DNAH11: variants seen among roughly 807,000 people sequenced by gnomAD.
DNAH11 encodes the protein dynein axonemal heavy chain 11.
DNAH11 carries 442 observed loss-of-function variants against 526.0 expected under a neutral mutation model. The ratio of observed to expected loss-of-function variants is 0.84; its 90% CI spans 0.78 to 0.91. The LOEUF (loss-of-function observed/expected upper bound fraction) is 0.91, where lower values mean the gene tolerates loss of function less well. Among genes scored for constraint, DNAH11 ranks in the 40% least tolerant of loss-of-function variants. The probability of loss-of-function intolerance (pLI) is 0.00; values close to 1 mark genes in which losing one functional copy is unlikely to be tolerated. For missense variants in DNAH11, 6,989 were observed against 5,448.7 expected (o/e 1.28, Z -8.90); for synonymous variants, 2,461 against 1,935.9 (o/e 1.27, Z -7.12).
At chr7:21,671,901 A>G (rs1217360286) in intron 30 of DNAH11, among the ~76,000 whole-genome samples, 5 of 152,216 alleles carry the variant, frequency 3.3e-5, no homozygotes, top group Non-Finnish European at 7.3e-5. Context: ...GATGCTCACT[A>G]TATCTGACAT....
chr7:21,643,909 T>A (rs1349872297), intron 28 of DNAH11, among the ~76,000 whole-genome samples: 1 of 152,176 alleles, frequency 6.6e-6, no homozygotes, highest in African/African-American at 2.4e-5. Context: ...AATTTCACCT[T>A]TTTAAAATAT....
At chr7:21,845,563 C>G (rs987963784) in intron 66 of DNAH11, among the ~76,000 whole-genome samples, 6 of 152,084 alleles carry the variant, frequency 3.9e-5, no homozygotes, top group African/African-American at 1.4e-4. Flanking sequence ...TTTCTGCGTT[C>G]TCTGTTTCAT....
chr7:21,679,764 T>A (rs1173683291), intron 30 of DNAH11, among the ~76,000 whole-genome samples: 1 of 152,192 alleles, frequency 6.6e-6, no homozygotes, highest in Non-Finnish European at 1.5e-5. Context: ...GTCAGACTGT[T>A]GGGATTTGAA....
Position 21,854,369 on chromosome 7 carries a change from A to C in DNAH11, c.11116A>C (p.Arg3706=), listed in dbSNP as rs760425285. ...AATCAACGAGGCCCGAGAATGTTAC[A>C]GACCAGTGGCAGCAAGAGCATCTCT... ...RKINEARECY[R]PVAARASLLY... The change falls in exon 68 of 82, where the codon AGA becomes CGA. Residue 3706 remains arginine, a synonymous_variant. Coordinates refer to ENST00000409508, the MANE Select transcript of DNAH11 (RefSeq NM_001277115.2). The C allele has an allele frequency of 6.2e-7, 1 of 1,613,898 alleles. No homozygotes were observed.
rs1782674720 is a variant in DNAH11, at chr7:21,543,607, A to G, written c.351+11A>G. The G allele has an allele frequency of 1.3e-6, 2 of 1,577,056 alleles. No individual in the cohort carries two copies. Among genetic ancestry groups the G allele is most frequent in the Admixed American group, 1.8e-5 (1 of 54,412 alleles). On this transcript the variant is annotated intron_variant, in intron 1 of 81. Transcript: ENST00000409508. ...GCGGCTTCCCAGGAGGTAAGAGGCGACGGGCAAGGGGACCTGCCCATCCAA... is the reference window on the plus strand; with the variant it reads ...GCGGCTTCCCAGGAGGTAAGAGGCGGCGGGCAAGGGGACCTGCCCATCCAA...
chr7:21,683,002 C>G (rs185609859), intron 31 of DNAH11, among the ~76,000 whole-genome samples: 10 of 152,198 alleles, frequency 6.6e-5, no homozygotes, highest in Admixed American at 6.5e-4. Flanking sequence ...GGCCTTGTAT[C>G]TTCTTATATA....
At chr7:21,569,214 T>C (rs1363183819) in intron 6 of DNAH11, among the ~76,000 whole-genome samples, 1 of 152,202 alleles carries the variant, frequency 6.6e-6, no homozygotes, top group Non-Finnish European at 1.5e-5. Context: ...GGGCTTTCAT[T>C]ACATTATCCA....
At chr7:21,675,334 C>A (rs370017658) in intron 30 of DNAH11, among the ~76,000 whole-genome samples, 2 of 152,188 alleles carry the variant, frequency 1.3e-5, no homozygotes, top group African/African-American at 4.8e-5. Context: ...CCATTCAGGG[C>A]CTTTACACAG....
intron 69 of DNAH11, among the ~76,000 whole-genome samples, chr7:21,863,319 A>G (rs1783143848): frequency 6.6e-6 from 1 of 152,152 alleles, no homozygotes. Flanking sequence ...GCATTACACA[A>G]TGAAATACTT....
chr7:21,901,506 T>C lies in DNAH11; in HGVS notation c.*252T>C, dbSNP rs997238855. ...ATCACTTGAACCTAGGAGGCAAAGG[T>C]TGCAGTGAGCCGAGGTTGCACCACT... On this transcript the variant is annotated 3_prime_UTR_variant, in exon 82 of 82. Transcript: ENST00000409508. 9 of 347,888 alleles carry C rather than the reference T, an allele frequency of 2.6e-5. No homozygotes were observed. The highest frequency in any genetic ancestry group is 9.9e-5 in the Admixed American group (2 of 20,264). The allele number at this position is 347,888 out of a possible 1,614,324, so 21.6% of individuals were successfully genotyped here. A position where few individuals can be genotyped will look rare whatever the true frequency, so the allele number is the denominator to read the frequency against.
At chr7:21,739,765 G>T (rs988268329) in intron 48 of DNAH11, 92 bp downstream of exon 48, 1 of 955,946 alleles carries the variant, frequency 1.0e-6, no homozygotes. Flanking sequence ...ATCTTGTTAA[G>T]CACGTTTCTC....
intron 10 of DNAH11, 81 bp from the exon 11 acceptor site, chr7:21,588,431 A>C (rs1322669062): frequency 1.3e-6 from 2 of 1,546,150 alleles, no homozygotes; most frequent in Admixed American, 3.7e-5. Flanking sequence ...AAATACCAAA[A>C]TGAAAAATTG....
At position 21,844,225 on chromosome 7, in the gene DNAH11, G is replaced by T. The variant is rs1782329716; in HGVS notation, c.10896+1477G>T. Among the ~76,000 whole-genome samples the T allele has an allele frequency of 2.0e-5, 3 of 152,158 alleles. No homozygotes were observed. The South Asian group carries it at 6.2e-4, about 32-fold the overall frequency. On this transcript the variant is annotated intron_variant, in intron 66 of 81. Coordinates refer to ENST00000409508, the MANE Select transcript of DNAH11 (RefSeq NM_001277115.2). ...GGAAGATCACTTGAGGCCAGTTTGA[G>T]ACCAGCCTGGCCAACATGGCAAAAC...
At chr7:21,738,554 A>AGG (rs201976144) in intron 46 of DNAH11, 147 bp from the exon 47 acceptor site, 2 of 714,562 alleles carry the variant, frequency 2.8e-6, no homozygotes, top group Non-Finnish European at 4.4e-6. Context: ...CCAGAGACAC[A>AGG]TCCCGGGTCT....
Position 21,779,042 on chromosome 7 carries a change from A to C in DNAH11, c.9421A>C (p.Ile3141Leu). 2 of 1,613,482 alleles carry C rather than the reference A, an allele frequency of 1.2e-6. No individual in the cohort carries two copies. Among genetic ancestry groups the C allele is most frequent in the Non-Finnish European group, 1.7e-6 (2 of 1,179,602 alleles). Residue 3141 changes from isoleucine (I) to leucine (L), a missense_variant, in exon 57 of 82, where the codon ATC becomes CTC. Ile to Leu is a conservative substitution (Grantham distance 5). Transcript: ENST00000409508. ...TGATGCCGAAGCTCTGATCACAAAG[A>C]TCGGCCTTCAGACGGAGAAAGTGAG... ...NHDAEALITK[I>L]GLQTEKVSRE...
chr7:21,698,242 T>C (rs1360477674), intron 36 of DNAH11, 29 bp downstream of exon 36: 1 of 1,611,400 alleles, frequency 6.2e-7, no homozygotes, highest in Admixed American at 1.7e-5. Flanking sequence ...CGTTTTCTTG[T>C]TTTTACATAC....
At chr7:21,713,458 A>C (rs1239079293) in intron 42 of DNAH11, among the ~76,000 whole-genome samples, 1 of 152,170 alleles carries the variant, frequency 6.6e-6, no homozygotes, top group Middle Eastern at 3.2e-3. Flanking sequence ...TGCAGGTCAC[A>C]GCTCTTCTTA....
At chr7:21,735,978 T>A in intron 46 of DNAH11, 134 bp downstream of exon 46, 2 of 847,506 alleles carry the variant, frequency 2.4e-6, no homozygotes, top group Non-Finnish European at 3.5e-6. Flanking sequence ...AATTTGTACT[T>A]ATCATCCTTG....
intron 66 of DNAH11, among the ~76,000 whole-genome samples, chr7:21,850,686 T>G (rs1203454489): frequency 6.7e-6 from 1 of 148,582 alleles, no homozygotes; most frequent in Non-Finnish European, 1.5e-5. Context: ...CCAGACATGA[T>G]GTATTAGATA....
Sources: allele counts gnomAD v4.1 joint callset (sites outside exome capture counted in the v4.1 genomes callset), GRCh38; gene constraint gnomAD v4.1.1; transcripts MANE v1.5; gene names NCBI Gene and HGNC (gene_info 2026-07-23, HGNC 2026-07-21).